INTS8: variants seen among roughly 807,000 people sequenced by gnomAD.
The protein encoded by INTS8 is protein kaonashi-1.
INTS8 carries 47 observed loss-of-function variants against 138.9 expected under a neutral mutation model. That is an observed-to-expected ratio of 0.34 (90% CI 0.27 to 0.43). INTS8 has a LOEUF of 0.43. Ranked by LOEUF, INTS8 falls within the 20% of genes least tolerant of loss-of-function variation. The pLI, the probability that INTS8 is intolerant of heterozygous loss-of-function variation, is 1.00. For missense variants in INTS8, 996 were observed against 1,173.0 expected, an observed-to-expected ratio of 0.85 and a Z score of 2.20; for synonymous variants, 392 against 400.9, an observed-to-expected ratio of 0.98 and a Z score of 0.27.
At chr8:94,852,470 C>G (rs1362730360) in intron 13 of INTS8, among the ~76,000 whole-genome samples, 1 of 151,952 alleles carries the variant, frequency 6.6e-6, no homozygotes, top group Non-Finnish European at 1.5e-5. Context: ...CTTAGAGATA[C>G]AAGGGAAGTA....
At position 94,865,687 on chromosome 8, in the gene INTS8, A is replaced by G; in HGVS notation, c.2258A>G (p.Tyr753Cys). Reference sequence around the variant, plus strand: ...AGGGAATCTACGTTAGGTATCATGTATCGGTATGTATTGGTACGTTTCTAT... The same window carrying G: ...AGGGAATCTACGTTAGGTATCATGTGTCGGTATGTATTGGTACGTTTCTAT... The part of the protein sequence containing the change: ...KQRESTLGIM[Y>C]RSELLSFIKK... The change falls in exon 17 of 27, where the codon TAT becomes TGT. Residue 753 changes from tyrosine to cysteine, a missense_variant. Tyr to Cys is a radical substitution (Grantham distance 194, BLOSUM62 -2). Transcript: ENST00000523731. The G allele has an allele frequency of 6.2e-7, 1 of 1,612,996 alleles. No homozygotes were observed. Among genetic ancestry groups the G allele is most frequent in the Non-Finnish European group, 8.5e-7 (1 of 1,178,976 alleles).
At chr8:94,834,987 C>T (rs577767905) in intron 6 of INTS8, among the ~76,000 whole-genome samples, 32 of 152,254 alleles carry the variant, frequency 2.1e-4, no homozygotes, top group Non-Finnish European at 3.8e-4. Context: ...TGAATGGGGA[C>T]TTGAGAAGAC....
chr8:94,823,703 C>T, intron 1 of INTS8, 142 bp downstream of exon 1: 2 of 653,882 alleles, frequency 3.1e-6, no homozygotes, highest in Non-Finnish European at 5.0e-6. Context: ...CCGGGCTCCT[C>T]GCTTCCCTTA....
intron 6 of INTS8, among the ~76,000 whole-genome samples, chr8:94,835,856 C>A (rs547215415): frequency 1.3e-5 from 2 of 152,300 alleles, no homozygotes; most frequent in South Asian, 4.1e-4. Context: ...CCTCGGCCTC[C>A]CAAAGTGCTG....
At chr8:94,879,948 G>C in intron 26 of INTS8, 170 bp from the exon 27 acceptor site, 1 of 487,492 alleles carries the variant, frequency 2.1e-6, no homozygotes, top group Non-Finnish European at 3.7e-6. Flanking sequence ...AGTGGCCCTG[G>C]TTAATCTTTA....
intron 16 of INTS8, among the ~76,000 whole-genome samples, chr8:94,861,793 C>T (rs1459674408): frequency 1.2e-4 from 17 of 140,890 alleles, no homozygotes; most frequent in African/African-American, 4.6e-4. Context: ...TCAGGTGATC[C>T]GCCCACCTCG....
intron 20 of INTS8, among the ~76,000 whole-genome samples, chr8:94,868,069 A>T (rs1447254757): frequency 6.6e-6 from 1 of 152,164 alleles, no homozygotes; most frequent in African/African-American, 2.4e-5. Flanking sequence ...TTGCTGTAGG[A>T]ACTAAACTAA....
chr8:94,841,541 C>G lies in INTS8; in HGVS notation c.1068C>G (p.Val356=), dbSNP rs779677617. Residue 356 remains valine (V), a synonymous_variant, in exon 9 of 27, where the codon GTC becomes GTG. Transcript: ENST00000523731. Reference sequence around the variant, plus strand: ...ACAACTTAACCTTGAGTTTACCTGTCCAGTTCCGACAGTCAGTCCTAAGAG... The same window carrying G: ...ACAACTTAACCTTGAGTTTACCTGTGCAGTTCCGACAGTCAGTCCTAAGAG... ...IEDNLTLSLP[V]QFRQSVLREL... The G allele has an allele frequency of 6.2e-7, 1 of 1,609,456 alleles. No individual in the cohort carries two copies.
chr8:94,853,054 G>A (rs570960608), intron 13 of INTS8, among the ~76,000 whole-genome samples: 1 of 152,090 alleles, frequency 6.6e-6, no homozygotes, highest in Non-Finnish European at 1.5e-5. Context: ...CTCATTGCCT[G>A]TAATCCCAGC....
intron 20 of INTS8, 184 bp downstream of exon 20, chr8:94,867,521 CTTTTTT>C (rs35100522): frequency 3.7e-3 from 877 of 238,222 alleles, no homozygotes; most frequent in Middle Eastern, 8.0e-3. Context: ...AGGCATAACC[CTTTTTT>C]TTTTTTTTTT....
rs754735119 is a variant in INTS8 at position 94,842,434 on chromosome 8, A to G, written c.1206A>G (p.Gln402=). The G allele has an allele frequency of 9.3e-6, 15 of 1,605,724 alleles. No homozygotes were observed. Among genetic ancestry groups the G allele is most frequent in the East Asian group, 2.2e-5 (1 of 44,764 alleles). Residue 402 remains glutamine (Q), a synonymous_variant, in exon 10 of 27, where the codon CAA becomes CAG. Transcript: ENST00000523731. ...TGGAAGGCAGAACAATTAGTGTTCA[A>G]TTTAACCAGCTATTTCTTAGACCAA... ...DILEGRTISV[Q]FNQLFLRPNK...
At chr8:94,879,551 C>T (rs1257402317) in intron 26 of INTS8, among the ~76,000 whole-genome samples, 3 of 151,014 alleles carry the variant, frequency 2.0e-5, no homozygotes, top group South Asian at 4.2e-4. Flanking sequence ...GCTGAGATCA[C>T]GCCATTGCAC....
chr8:94,838,705 G>A (rs1237029874), intron 8 of INTS8, 87 bp downstream of exon 8: 10 of 1,041,824 alleles, frequency 9.6e-6, no homozygotes, highest in African/African-American at 6.3e-5. Context: ...TACCAGTTAC[G>A]CGTTTTGGGG....
At chr8:94,855,639 A>G (rs1280015515) in intron 14 of INTS8, among the ~76,000 whole-genome samples, 2 of 152,200 alleles carry the variant, frequency 1.3e-5, no homozygotes, top group Non-Finnish European at 2.9e-5. Context: ...GTATTATCTC[A>G]GTTTTAAAGG....
intron 22 of INTS8, 114 bp from the exon 23 acceptor site, chr8:94,874,438 T>A: frequency 2.9e-6 from 2 of 680,250 alleles, no homozygotes; most frequent in Non-Finnish European, 5.4e-6. Flanking sequence ...TTCCCATATA[T>A]CCCCCGTTCC....
intron 7 of INTS8, among the ~76,000 whole-genome samples, chr8:94,838,131 C>T (rs1188337306): frequency 6.6e-6 from 1 of 151,398 alleles, no homozygotes; most frequent in Non-Finnish European, 1.5e-5. Context: ...ACTGCAACCT[C>T]CACCTCTCCT....
chr8:94,860,579 C>CAAA (rs58945163), intron 16 of INTS8, among the ~76,000 whole-genome samples: 67 of 39,000 alleles, frequency 1.7e-3, no homozygotes, highest in South Asian at 2.6e-3. Context: ...AACTCTACCT[C>CAAA]AAAAAAAAAA....
rs575310979 is a variant in INTS8, at chr8:94,834,240, T to C, written c.753+2066T>C. 2.4e-4 allele frequency among the ~76,000 whole-genome samples: 36 copies of C among 152,272 alleles called. No individual in the cohort carries two copies. The Middle Eastern group carries it at 0.017, about 72-fold the overall frequency. ...GAGCACCTCTTAACCTCTAAACTCA[T>C]TGTAATGGCTAGTCAGTTGCTAGAG... On this transcript the variant is annotated intron_variant, in intron 6 of 26. Coordinates refer to ENST00000523731, the MANE Select transcript of INTS8 (RefSeq NM_017864.4).
chr8:94,856,855 A>G lies in INTS8; in HGVS notation c.1831A>G (p.Met611Val). ...TEFSPKLRQVMLNEMLLLDIH... is the reference protein window; with the variant it reads ...TEFSPKLRQVVLNEMLLLDIH... ...GTTCTCACCGAAGCTTCGTCAGGTC[A>G]TGCTGAATGAGATGTTGCTTTTGGA... The change falls in exon 15 of 27, where the codon ATG becomes GTG. Residue 611 changes from methionine to valine, a missense_variant. Coordinates refer to ENST00000523731, the MANE Select transcript of INTS8 (RefSeq NM_017864.4). 3 of 1,614,146 alleles carry G rather than the reference A, an allele frequency of 1.9e-6. No homozygotes were observed. The highest frequency in any genetic ancestry group is 2.5e-6 in the Non-Finnish European group (3 of 1,180,018).
Sources: gnomAD v4.1 joint callset for allele counts (sites outside exome capture counted in the v4.1 genomes callset) on GRCh38, gnomAD v4.1.1 for gene constraint, MANE v1.5 for transcripts, NCBI Gene and HGNC (gene_info 2026-07-23, HGNC 2026-07-21) for gene names.